STIM2: variants seen among roughly 807,000 people sequenced by gnomAD.
STIM2 encodes the protein stromal interaction molecule 2.
In STIM2, 31 loss-of-function variants were observed where a neutral mutation model predicts 85.8. That is an observed-to-expected ratio of 0.36 (90% confidence interval 0.27 to 0.49). STIM2 has a LOEUF of 0.49. Among genes scored for constraint, STIM2 ranks in the 20% least tolerant of loss-of-function variants. The pLI is 0.98. For synonymous variants in STIM2, 356 were observed against 331.1 expected, an observed-to-expected ratio of 1.08 and a Z score of -0.82; for missense variants, 841 against 927.6, an observed-to-expected ratio of 0.91 and a Z score of 1.21.
At chr4:26,939,636 C>A (rs1725524070) in intron 2 of STIM2, among the ~76,000 whole-genome samples, 1 of 152,044 alleles carries the variant, frequency 6.6e-6, no homozygotes, top group South Asian at 2.1e-4. Flanking sequence ...CCTGAAATGT[C>A]TTTTAAGTGT....
intron 1 of STIM2, among the ~76,000 whole-genome samples, chr4:26,882,751 C>T (rs1723058545): frequency 6.6e-6 from 1 of 151,988 alleles, no homozygotes; most frequent in African/African-American, 2.4e-5. Flanking sequence ...AGCCACGGTA[C>T]CTGGCCCATT....
intron 2 of STIM2, among the ~76,000 whole-genome samples, chr4:26,921,066 G>A (rs945217177): frequency 1.3e-5 from 2 of 152,172 alleles, no homozygotes; most frequent in Admixed American, 6.5e-5. Context: ...CTGGAGTTGG[G>A]TGGGCCTGTA....
At position 27,019,136 on chromosome 4, in the gene STIM2, A is replaced by G. The variant is rs930017589; in HGVS notation, c.1763+1152A>G. On this transcript the variant is annotated intron_variant, in intron 11 of 11. Coordinates refer to ENST00000467087, the MANE Select transcript of STIM2 (RefSeq NM_020860.4). ...TGCCACTGAGTAGCTATGTGTCCCC[A>G]AAGGCTTTACCCTCTTCTATGAGAA... is the stretch of plus-strand genomic sequence containing the variant. Among the ~76,000 whole-genome samples, 8 of 152,296 alleles carry G rather than the reference A, an allele frequency of 5.3e-5. No individual in the cohort carries two copies. In the East Asian group the frequency reaches 1.4e-3, roughly 26 times the overall value.
chr4:26,938,990 A>G (rs975823260), intron 2 of STIM2, among the ~76,000 whole-genome samples: 3 of 152,070 alleles, frequency 2.0e-5, no homozygotes, highest in African/African-American at 7.2e-5. Flanking sequence ...CTCTGCATAC[A>G]TTCTTGAACT....
At chr4:26,947,739 C>G (rs1167489167) in intron 2 of STIM2, among the ~76,000 whole-genome samples, 1 of 152,158 alleles carries the variant, frequency 6.6e-6, no homozygotes, top group Non-Finnish European at 1.5e-5. Flanking sequence ...TGGCACTGCC[C>G]CACGGAAGCC....
rs138449701 is a variant in STIM2, at chr4:26,942,380, C to T, written c.283-15232C>T. On this transcript the variant is annotated intron_variant, in intron 2 of 11. Coordinates refer to ENST00000467087, the MANE Select transcript of STIM2 (RefSeq NM_020860.4). ...TGTGTTCAAACCTGGCATTATTTTT[C>T]TTACCTTTACACACAACAGAAGAAC... 4.7e-4 allele frequency among the ~76,000 whole-genome samples: 72 copies of T among 152,218 alleles called. No individual in the cohort carries two copies. The East Asian group carries it at 0.013, about 28-fold the overall frequency.
At chr4:26,982,928 G>A (rs1004668407) in intron 3 of STIM2, among the ~76,000 whole-genome samples, 5 of 152,048 alleles carry the variant, frequency 3.3e-5, no homozygotes, top group African/African-American at 7.2e-5. Flanking sequence ...ATATGTTTAC[G>A]TAGTTGCTCA....
At chr4:26,965,625 CT>C (rs1276505667) in intron 3 of STIM2, among the ~76,000 whole-genome samples, 3 of 152,006 alleles carry the variant, frequency 2.0e-5, no homozygotes, top group Non-Finnish European at 4.4e-5. Context: ...TATTAATTTT[CT>C]TCTTTTTCTC....
At chr4:26,995,621 T>G (rs1727932493) in intron 4 of STIM2, 131 bp downstream of exon 4, 1 of 404,932 alleles carries the variant, frequency 2.5e-6, no homozygotes, top group Admixed American at 4.5e-5. Context: ...TATCCATTCT[T>G]TAATCTTTCT....
chr4:26,906,718 T>C (rs1382089502), intron 1 of STIM2, among the ~76,000 whole-genome samples: 3 of 152,134 alleles, frequency 2.0e-5, no homozygotes, highest in African/African-American at 7.2e-5. Context: ...ATTGATTGCC[T>C]GAGCAGTTTC....
intron 3 of STIM2, among the ~76,000 whole-genome samples, chr4:26,983,666 C>T (rs777889150): frequency 2.0e-5 from 3 of 152,114 alleles, no homozygotes; most frequent in Non-Finnish European, 2.9e-5. Flanking sequence ...AGTTGTTTGG[C>T]AACTAGAGTG....
intron 7 of STIM2, 93 bp from the exon 8 acceptor site, chr4:27,007,440 C>CTTT (rs74272718): frequency 8.5e-6 from 6 of 707,050 alleles, no homozygotes; most frequent in Non-Finnish European, 1.0e-5. Context: ...ATTAAAATAG[C>CTTT]TTTTTTTTTT....
chr4:26,976,382 C>CTTTTT (rs35434321), intron 3 of STIM2, among the ~76,000 whole-genome samples: 3 of 116,944 alleles, frequency 2.6e-5, no homozygotes, highest in Non-Finnish European at 3.5e-5. Context: ...TCTTGGGAGT[C>CTTTTT]TTTTTTTTTT....
chr4:26,961,473 T>C (rs1726470519), intron 3 of STIM2, among the ~76,000 whole-genome samples: 1 of 152,172 alleles, frequency 6.6e-6, no homozygotes, highest in Non-Finnish European at 1.5e-5. Flanking sequence ...CAAAATAGAC[T>C]GTATCTATTA....
At chr4:26,902,053 C>G (rs1723943115) in intron 1 of STIM2, among the ~76,000 whole-genome samples, 1 of 152,042 alleles carries the variant, frequency 6.6e-6, no homozygotes, top group African/African-American at 2.4e-5. Flanking sequence ...GGTCTTCATT[C>G]TTTTTGGGGG....
chr4:26,889,291 T>C lies in STIM2; in HGVS notation c.151+27922T>C, dbSNP rs77167604. Among the ~76,000 whole-genome samples the C allele has an allele frequency of 4.0e-3, 603 of 152,254 alleles. 6 individuals are homozygous for C. The highest frequency in any genetic ancestry group is 0.014 in the African/African-American group (572 of 41,540). The stretch of plus-strand genomic sequence containing the variant: ...GACAACGTAACTGAGTCTTCAAAAA[T>C]CCATTCTACCATTCTATTAAGCCAG... On this transcript the variant is annotated intron_variant, in intron 1 of 11. Transcript: ENST00000467087.
At position 26,888,341 on chromosome 4, in the gene STIM2, G is replaced by A. The variant is rs1723335833; in HGVS notation, c.151+26972G>A. ...ACATGCCAACCCTTTCCCCAGAAGA[G>A]GATGCGGAGTCCCTGGGTAATGTTC... On this transcript the variant is annotated intron_variant, in intron 1 of 11. Transcript: ENST00000467087. Among the ~76,000 whole-genome samples the A allele has an allele frequency of 2.6e-5, 4 of 152,292 alleles. No individual in the cohort carries two copies. The South Asian group carries it at 8.3e-4, about 32-fold the overall frequency.
At chr4:26,997,866 C>G (rs1477411321) in intron 4 of STIM2, among the ~76,000 whole-genome samples, 2 of 152,136 alleles carry the variant, frequency 1.3e-5, no homozygotes, top group Non-Finnish European at 2.9e-5. Context: ...GTTCTTTGCT[C>G]TTTAAGGTTT....
intron 1 of STIM2, among the ~76,000 whole-genome samples, chr4:26,869,463 G>A (rs1022746464): frequency 1.3e-5 from 2 of 152,096 alleles, no homozygotes; most frequent in African/African-American, 2.4e-5. Context: ...TGACTGTTTT[G>A]TGCCAGCTAT....
Sources: gnomAD v4.1 joint callset for allele counts (sites outside exome capture counted in the v4.1 genomes callset) on GRCh38, gnomAD v4.1.1 for gene constraint, MANE v1.5 for transcripts, NCBI Gene and HGNC (gene_info 2026-07-23, HGNC 2026-07-21) for gene names.